The following GLIS3 variants were observed in gnomAD, a reference collection of about 807,000 sequenced individuals.
The protein encoded by GLIS3 is zinc finger protein GLIS3.
Under a neutral mutation model 78.6 loss-of-function variants are expected in GLIS3, and 53 were observed. That is an observed-to-expected ratio of 0.67 (90% CI 0.54 to 0.85). GLIS3 has a LOEUF of 0.85. Ranked by LOEUF, GLIS3 falls within the 40% of genes least tolerant of loss-of-function variation. GLIS3 has a pLI of 0.00. For synonymous variants in GLIS3, 684 were observed against 509.9 expected, an observed-to-expected ratio of 1.34 and a Z score of -4.60; for missense variants, 1,703 against 1,231.1, an observed-to-expected ratio of 1.38 and a Z score of -5.74.
upstream of GLIS3, among the ~76,000 whole-genome samples, chr9:4,304,182 T>C (rs1817167342): frequency 6.6e-6 from 1 of 152,174 alleles, no homozygotes; most frequent in Non-Finnish European, 1.5e-5. Context: ...ATTTCAGTGT[T>C]CCAAAAGAGA....
At chr9:4,373,272 C>T in the GLIS3 span, among the ~76,000 whole-genome samples, 2 of 121,168 alleles carry the variant, frequency 1.7e-5, no homozygotes. Flanking sequence ...CAGTTAACAG[C>T]TTCCAGGTCC....
chr9:4,250,672 C>T (rs1312006289), intron 2 of GLIS3, among the ~76,000 whole-genome samples: 2 of 152,104 alleles, frequency 1.3e-5, no homozygotes, highest in East Asian at 3.8e-4. Context: ...TTTGTTTGCT[C>T]TTGCTTCTCT....
chr9:4,241,668 T>G (rs1178550775), intron 2 of GLIS3, among the ~76,000 whole-genome samples: 7 of 149,214 alleles, frequency 4.7e-5, no homozygotes, highest in Non-Finnish European at 7.5e-5. Context: ...CACTTGTGCT[T>G]TTTTTGTTTT....
intron 7 of GLIS3, among the ~76,000 whole-genome samples, chr9:3,891,406 A>C (rs1207979821): frequency 2.6e-5 from 4 of 152,218 alleles, no homozygotes; most frequent in African/African-American, 9.7e-5. Context: ...TCAGTAACGT[A>C]ATTTAAGAAA....
At chr9:4,407,966 A>C in the GLIS3 span, among the ~76,000 whole-genome samples, 1 of 152,234 alleles carries the variant, frequency 6.6e-6, no homozygotes, top group African/African-American at 2.4e-5. Context: ...AGATCTGAAA[A>C]GACATTTCTA....
chr9:3,915,247 TATC>T (rs1444316890), intron 6 of GLIS3, among the ~76,000 whole-genome samples: 2 of 152,234 alleles, frequency 1.3e-5, no homozygotes, highest in East Asian at 3.9e-4. Flanking sequence ...TCTTTCTTCT[TATC>T]ATCCACCCCC....
At chr9:3,897,422 G>C (rs1822930343) in intron 7 of GLIS3, among the ~76,000 whole-genome samples, 1 of 151,760 alleles carries the variant, frequency 6.6e-6, no homozygotes, top group Non-Finnish European at 1.5e-5. Flanking sequence ...ACAAAAGCTA[G>C]TCATGGTTTT....
At chr9:4,301,251 G>T (rs1385914177), upstream of GLIS3, among the ~76,000 whole-genome samples, 2 of 152,296 alleles carry the variant, frequency 1.3e-5, no homozygotes, top group South Asian at 2.1e-4. Context: ...AGAAGTAGGG[G>T]ATGAAAAATA....
At chr9:4,453,910 T>C in the GLIS3 span, among the ~76,000 whole-genome samples, 1 of 151,962 alleles carries the variant, frequency 6.6e-6, no homozygotes, top group Non-Finnish European at 1.5e-5. Flanking sequence ...GACGAGTTGA[T>C]GGGTGCAGCA....
chr9:4,116,012 A>G (rs1831609311), intron 4 of GLIS3, among the ~76,000 whole-genome samples: 1 of 152,244 alleles, frequency 6.6e-6, no homozygotes, highest in East Asian at 1.9e-4. Flanking sequence ...AAGTATTTAT[A>G]TTTTTGATAT....
At chr9:4,131,065 G>A (rs570224179) in intron 2 of GLIS3, among the ~76,000 whole-genome samples, 1 of 152,164 alleles carries the variant, frequency 6.6e-6, no homozygotes, top group Non-Finnish European at 1.5e-5. Flanking sequence ...ACTGCCCTAG[G>A]GGGGGTTGGG....
rs1425536070 is a variant in GLIS3, at chr9:4,279,314, A to AAAAAT, written c.388+6723_388+6724insATTTT. The stretch of plus-strand genomic sequence containing the variant: ...CTCCATCTCAAAAAAAAAAAAAAAA[A>AAAAAT]ATATATATATACACACACACACACA... On this transcript the variant is annotated intron_variant, in intron 2 of 10. Transcript: ENST00000381971. 9.2e-4 allele frequency among the ~76,000 whole-genome samples: 76 copies of AAAAAT among 82,646 alleles called. 1 individual carries two copies. Among genetic ancestry groups the AAAAAT allele is most frequent in the South Asian group, 1.8e-3 (3 of 1,684 alleles). The allele number at this position is 82,646 out of a possible 152,430, so 54.2% of individuals were successfully genotyped here.
At chr9:4,025,900 T>C (rs1823296020) in intron 4 of GLIS3, among the ~76,000 whole-genome samples, 1 of 152,170 alleles carries the variant, frequency 6.6e-6, no homozygotes, top group Non-Finnish European at 1.5e-5. Flanking sequence ...TTTTCTGGAA[T>C]AATCAATAGA....
At chr9:3,916,327 C>T (rs1824509843) in intron 6 of GLIS3, among the ~76,000 whole-genome samples, 1 of 152,224 alleles carries the variant, frequency 6.6e-6, no homozygotes, top group Non-Finnish European at 1.5e-5. Flanking sequence ...CTTCTACCTC[C>T]CCACTGGGGG....
chr9:4,227,656 G>A (rs1248275324), intron 2 of GLIS3, among the ~76,000 whole-genome samples: 1 of 152,174 alleles, frequency 6.6e-6, no homozygotes, highest in Admixed American at 6.5e-5. Flanking sequence ...AAGATATACA[G>A]CAGACCTATC....
intron 6 of GLIS3, among the ~76,000 whole-genome samples, chr9:3,908,706 GTTTTTTTT>G (rs34789708): frequency 5.3e-4 from 45 of 85,562 alleles, no homozygotes; most frequent in African/African-American, 2.2e-3. Context: ...ATTTGTATTT[GTTTTTTTT>G]TTTTTTTTTT....
Position 4,126,040 on chromosome 9 carries a change from C to T in GLIS3, c.389-99G>A. 5 of 902,074 alleles carry T rather than the reference C, an allele frequency of 5.5e-6. No homozygotes were observed. In the Admixed American group the frequency reaches 9.9e-5, roughly 18 times the overall value. 55.9% of individuals were successfully genotyped at this position (902,074 alleles called of 1,614,324 possible). On this transcript the variant is annotated intron_variant, in intron 2 of 10. Coordinates refer to ENST00000381971, the MANE Select transcript of GLIS3 (RefSeq NM_001042413.2). Reference sequence around the variant, plus strand: ...TTATATCAGGACCCATCTTTAGAGACAGTCCTCAGATCATTTTTTTTTTTA... The same window carrying T: ...TTATATCAGGACCCATCTTTAGAGATAGTCCTCAGATCATTTTTTTTTTTA...
intron 2 of GLIS3, among the ~76,000 whole-genome samples, chr9:4,141,660 T>C (rs1196456002): frequency 6.6e-6 from 1 of 152,248 alleles, no homozygotes; most frequent in Non-Finnish European, 1.5e-5. Flanking sequence ...AAACAACCAT[T>C]TCTTGTATAC....
At chr9:4,460,756 T>C in the GLIS3 span, among the ~76,000 whole-genome samples, 3 of 152,218 alleles carry the variant, frequency 2.0e-5, no homozygotes, top group African/African-American at 7.2e-5. Context: ...TTCTTCTACA[T>C]GTCTGCATGC....
Sources: allele counts gnomAD v4.1 joint callset (sites outside exome capture counted in the v4.1 genomes callset), GRCh38; gene constraint gnomAD v4.1.1; transcripts MANE v1.5; gene names NCBI Gene and HGNC (gene_info 2026-07-23, HGNC 2026-07-21).